B4GALNT3: variants seen among roughly 807,000 people sequenced by gnomAD.
B4GALNT3 encodes the protein beta-1,4-N-acetyl-galactosaminyltransferase 3, also known as beta-1,4-N-acetylgalactosaminyltransferase 3.
A neutral mutation model predicts 120.2 loss-of-function variants in B4GALNT3; 86 were observed. The observed-to-expected ratio is 0.72, with a 90% confidence interval of 0.60 to 0.86. B4GALNT3 has a LOEUF of 0.86. Ranked by LOEUF, B4GALNT3 falls within the 40% of genes least tolerant of loss-of-function variation. The pLI, the probability that B4GALNT3 is intolerant of heterozygous loss-of-function variation, is 0.00. For synonymous variants in B4GALNT3, 518 were observed against 510.4 expected, an observed-to-expected ratio of 1.01 and a Z score of -0.20; for missense variants, 1,167 against 1,298.9, an observed-to-expected ratio of 0.90 and a Z score of 1.56.
chr12:530,255 G>A lies in B4GALNT3; in HGVS notation c.170-4911G>A, dbSNP rs372057607. 1.1e-3 allele frequency among the ~76,000 whole-genome samples: 165 copies of A among 152,384 alleles called. 2 individuals carry two copies. The highest frequency in any genetic ancestry group is 3.8e-3 in the African/African-American group (158 of 41,594). Reference sequence around the variant, plus strand: ...TCCTGTCGTGAGCCATGGCCCTGGCGTGTGATGGGTCAGCTAGTTAGTCCT... The same window carrying A: ...TCCTGTCGTGAGCCATGGCCCTGGCATGTGATGGGTCAGCTAGTTAGTCCT... On this transcript the variant is annotated intron_variant, in intron 1 of 19. Transcript: ENST00000266383.
At chr12:544,309 T>G (rs1403671790) in intron 3 of B4GALNT3, 30 bp from the exon 4 acceptor site, 5 of 1,608,188 alleles carry the variant, frequency 3.1e-6, no homozygotes, top group Non-Finnish European at 4.2e-6. Flanking sequence ...GTGCTCACGC[T>G]CACTCACCAC....
At chr12:465,316 C>T (rs1460723045) in intron 1 of B4GALNT3, among the ~76,000 whole-genome samples, 1 of 152,194 alleles carries the variant, frequency 6.6e-6, no homozygotes, top group East Asian at 1.9e-4. Context: ...ATACTAGGCG[C>T]TCAGATAAGT....
At chr12:467,886 A>C (rs1292378396) in intron 1 of B4GALNT3, among the ~76,000 whole-genome samples, 2 of 152,144 alleles carry the variant, frequency 1.3e-5, no homozygotes, top group African/African-American at 2.4e-5. Context: ...GGTTTGTTTT[A>C]ATTTCTATTG....
At chr12:559,828 G>A (rs1336274849) in intron 19 of B4GALNT3, among the ~76,000 whole-genome samples, 1 of 152,160 alleles carries the variant, frequency 6.6e-6, no homozygotes, top group Non-Finnish European at 1.5e-5. Flanking sequence ...TGGATAAGTA[G>A]ACCTGGCAAA....
chr12:465,617 C>T (rs1299585240), intron 1 of B4GALNT3, among the ~76,000 whole-genome samples: 1 of 152,158 alleles, frequency 6.6e-6, no homozygotes, highest in African/African-American at 2.4e-5. Context: ...TAGAGTCTCT[C>T]CTTTCCCTGG....
intron 1 of B4GALNT3, among the ~76,000 whole-genome samples, chr12:531,592 G>T (rs1565604194): frequency 6.6e-6 from 1 of 152,090 alleles, no homozygotes; most frequent in Non-Finnish European, 1.5e-5. Context: ...CAAGGCTTCA[G>T]TAAGCTATGA....
In B4GALNT3 at chr12:509,196, G is replaced by A. The variant is rs141862883; in HGVS notation, c.170-25970G>A. Among the ~76,000 whole-genome samples, 362 of 152,308 alleles carry A rather than the reference G, an allele frequency of 2.4e-3. 1 individual carries two copies. The highest frequency in any genetic ancestry group is 8.3e-3 in the African/African-American group (347 of 41,568). ...CCTACTAACCTACTGCTGTACCTTCGCCCCACCCCCAGCCCCCTTTGAGAG... is the reference window on the plus strand; with the variant it reads ...CCTACTAACCTACTGCTGTACCTTCACCCCACCCCCAGCCCCCTTTGAGAG... On this transcript the variant is annotated intron_variant, in intron 1 of 19. Coordinates refer to ENST00000266383, the MANE Select transcript of B4GALNT3 (RefSeq NM_173593.4).
chr12:542,160 G>A (rs1946926042), intron 3 of B4GALNT3, among the ~76,000 whole-genome samples: 1 of 152,034 alleles, frequency 6.6e-6, no homozygotes, highest in Admixed American at 6.5e-5. Flanking sequence ...GCTTCCCAAG[G>A]CCCACATTCC....
At chr12:531,112 G>A (rs1177884658) in intron 1 of B4GALNT3, among the ~76,000 whole-genome samples, 1 of 152,184 alleles carries the variant, frequency 6.6e-6, no homozygotes, top group African/African-American at 2.4e-5. Flanking sequence ...TTCCCCCAGG[G>A]GGGCTAAGCA....
At chr12:559,237 C>T in intron 18 of B4GALNT3, 58 bp from the exon 19 acceptor site, 1 of 1,608,558 alleles carries the variant, frequency 6.2e-7, no homozygotes, top group Non-Finnish European at 8.5e-7. Context: ...TGGAAGCCTC[C>T]TTCCTTCCTC....
intron 1 of B4GALNT3, among the ~76,000 whole-genome samples, chr12:462,356 C>A (rs1208683481): frequency 6.7e-6 from 1 of 149,898 alleles, no homozygotes; most frequent in Non-Finnish European, 1.5e-5. Flanking sequence ...CCTCACTTTT[C>A]TTTTACCTCC....
chr12:542,176 T>C (rs762619441), intron 3 of B4GALNT3, among the ~76,000 whole-genome samples: 1 of 152,172 alleles, frequency 6.6e-6, no homozygotes, highest in Non-Finnish European at 1.5e-5. Flanking sequence ...ATTCCTGGCA[T>C]TGACCAGGCC....
chr12:503,650 T>G (rs1308067099), intron 1 of B4GALNT3, among the ~76,000 whole-genome samples: 2 of 152,182 alleles, frequency 1.3e-5, no homozygotes, highest in Admixed American at 6.5e-5. Flanking sequence ...AGCCAAGCCC[T>G]CCTTTCTTAC....
chr12:523,276 C>T (rs139853475), intron 1 of B4GALNT3, among the ~76,000 whole-genome samples: 2 of 152,170 alleles, frequency 1.3e-5, no homozygotes, highest in Non-Finnish European at 2.9e-5. Context: ...ACTAAACCCT[C>T]CTTGTCCTTC....
chr12:482,896 T>C (rs1456246226), intron 1 of B4GALNT3, among the ~76,000 whole-genome samples: 1 of 151,828 alleles, frequency 6.6e-6, no homozygotes, highest in Admixed American at 6.6e-5. Flanking sequence ...TGTACACAGG[T>C]GTTATTCTTC....
chr12:487,603 C>T (rs572645959), intron 1 of B4GALNT3, among the ~76,000 whole-genome samples: 5 of 151,810 alleles, frequency 3.3e-5, no homozygotes, highest in East Asian at 3.9e-4. Context: ...GTCCCAGCTA[C>T]TTGGGAGGCT....
intron 1 of B4GALNT3, among the ~76,000 whole-genome samples, chr12:471,765 G>A (rs1299126823): frequency 6.7e-6 from 1 of 150,194 alleles, no homozygotes; most frequent in Non-Finnish European, 1.5e-5. Context: ...TCATTCTTCT[G>A]CATTTAAAAA....
rs1205456629 is a variant in B4GALNT3, at chr12:550,157, C to T, written c.997+245C>T. On this transcript the variant is annotated intron_variant, in intron 10 of 19. Coordinates refer to ENST00000266383, the MANE Select transcript of B4GALNT3 (RefSeq NM_173593.4). This position sits in a 1 kb window ranked among gnomAD's most constrained non-coding sequence, Gnocchi z 4.1. ...TGAACGTTTGTGGAACCACCACCCA[C>T]AACAAGAAATAGAGTTAGAACCCGG... Among the ~76,000 whole-genome samples, 2 of 152,220 alleles carry T rather than the reference C, an allele frequency of 1.3e-5. No individual in the cohort carries two copies. The highest frequency in any genetic ancestry group is 3.8e-4 in the East Asian group (2 of 5,202).
At chr12:533,889 G>A (rs758887587) in intron 1 of B4GALNT3, among the ~76,000 whole-genome samples, 6 of 152,164 alleles carry the variant, frequency 3.9e-5, no homozygotes, top group Admixed American at 6.5e-5. Context: ...CGTGCATAGC[G>A]TGGGTGGCCA....
Sources: allele counts gnomAD v4.1 joint callset (sites outside exome capture counted in the v4.1 genomes callset), GRCh38; gene constraint gnomAD v4.1.1; non-coding constraint Gnocchi (gnomAD v3.1); transcripts MANE v1.5; gene names NCBI Gene and HGNC (gene_info 2026-07-23, HGNC 2026-07-21).